Variants in KMT2E observed in about 807,000 individuals in gnomAD.
KMT2E encodes lysine methyltransferase 2E (inactive).
KMT2E carries 30 observed loss-of-function variants against 184.6 expected under a neutral mutation model. That is an observed-to-expected ratio of 0.16 (90% CI 0.12 to 0.22). The LOEUF (loss-of-function observed/expected upper bound fraction) is 0.22, where lower values mean the gene tolerates loss of function less well. Ranked by LOEUF, KMT2E falls within the 10% of genes least tolerant of loss-of-function variation. KMT2E has a pLI of 1.00. For synonymous variants in KMT2E, 815 were observed against 776.5 expected, an observed-to-expected ratio of 1.05 and a Z score of -0.82; for missense variants, 2,023 against 2,237.4, an observed-to-expected ratio of 0.90 and a Z score of 1.93.
chr7:105,106,378 T>C, intron 19 of KMT2E, 144 bp from the exon 20 acceptor site: 1 of 796,142 alleles, frequency 1.3e-6, no homozygotes, highest in Non-Finnish European at 2.0e-6. Flanking sequence ...GTTAGTACCA[T>C]TTTTTTAAAA....
chr7:105,109,745 C>T (rs1284512270), intron 23 of KMT2E, among the ~76,000 whole-genome samples: 1 of 152,076 alleles, frequency 6.6e-6, no homozygotes, highest in Non-Finnish European at 1.5e-5. Flanking sequence ...AACTCCTTGC[C>T]TTCTTTTCAC....
chr7:105,050,707 CTCTT>C (rs1339059444), intron 3 of KMT2E, among the ~76,000 whole-genome samples: 118 of 136,314 alleles, frequency 8.7e-4, no homozygotes, highest in Admixed American at 7.1e-3. Flanking sequence ...CTCTTTCTCT[CTCTT>C]TCTGTCTGTC....
At position 105,101,404 on chromosome 7, in the gene KMT2E, CTTAAAA is replaced by C. The variant is rs758507986; in HGVS notation, c.1723-18_1723-13del. 4.0e-6 allele frequency: 6 copies of C among 1,481,794 alleles called. No homozygotes were observed. The East Asian group carries it at 9.7e-5, about 24-fold the overall frequency. 91.8% of individuals were successfully genotyped at this position (1,481,794 alleles called of 1,614,324 possible). A position where few individuals can be genotyped will look rare whatever the true frequency, so the allele number is the denominator to read the frequency against. On this transcript the variant is annotated splice_polypyrimidine_tract_variant and intron_variant, in intron 15 of 26. Transcript: ENST00000311117. The stretch of plus-strand genomic sequence containing the variant: ...TTGAGCATTGATATTTATGATGTCA[CTTAAAA>C]TTTAAATTTCATAGACAAGAGAAGA...
chr7:105,017,145 T>C (rs1029509855), intron 1 of KMT2E, among the ~76,000 whole-genome samples: 2 of 152,200 alleles, frequency 1.3e-5, no homozygotes, highest in Admixed American at 1.3e-4. Flanking sequence ...AGCTTGGTAC[T>C]TTAAACTTAC....
At chr7:105,035,714 C>T (rs1443508205) in intron 1 of KMT2E, among the ~76,000 whole-genome samples, 2 of 151,958 alleles carry the variant, frequency 1.3e-5, no homozygotes, top group Admixed American at 6.6e-5. Flanking sequence ...CATGTGCCAC[C>T]GTGCCCGGCT....
At chr7:105,064,390 G>A (rs12671368) in intron 5 of KMT2E, among the ~76,000 whole-genome samples, 41,338 of 151,244 alleles carry the variant, frequency 0.27, 8,303 homozygotes, top group East Asian at 0.58. Context: ...TTGATGTGAT[G>A]CAGTATGGCA....
chr7:105,050,713 C>T (rs1417234660), intron 3 of KMT2E, among the ~76,000 whole-genome samples: 2 of 141,454 alleles, frequency 1.4e-5, no homozygotes, highest in South Asian at 2.2e-4. Flanking sequence ...CTCTCTCTTT[C>T]TGTCTGTCTG....
chr7:105,107,269 T>C, intron 21 of KMT2E, 47 bp downstream of exon 21: 1 of 1,501,354 alleles, frequency 6.7e-7, no homozygotes, highest in South Asian at 1.2e-5. Context: ...TTTTTCCTAT[T>C]ACATTGTTTT....
intron 12 of KMT2E, among the ~76,000 whole-genome samples, chr7:105,081,419 T>C (rs71562640): frequency 2.1e-5 from 3 of 140,818 alleles, no homozygotes; most frequent in African/African-American, 5.5e-5. Flanking sequence ...TGAAATATAG[T>C]ATTTTTATTA....
At chr7:105,103,692 A>G (rs998856726) in intron 17 of KMT2E, 2 of 152,146 alleles carry the variant, frequency 1.3e-5, no homozygotes, top group Admixed American at 1.3e-4. Flanking sequence ...AGATGCTAAA[A>G]TGTTTACAGT....
intron 15 of KMT2E, 152 bp downstream of exon 15, chr7:105,091,466 A>G (rs1798202723): frequency 1.5e-6 from 1 of 652,408 alleles, no homozygotes; most frequent in South Asian, 1.8e-5. Flanking sequence ...TTGCCATTTA[A>G]ATAAATTCCA....
intron 17 of KMT2E, chr7:105,105,212 C>A (rs1263254756): frequency 1.1e-5 from 4 of 378,920 alleles, no homozygotes; most frequent in Admixed American, 4.5e-5. Context: ...ATTTAAAAAG[C>A]AACCATATGT....
intron 19 of KMT2E, 26 bp downstream of exon 19, chr7:105,106,029 G>A: frequency 6.3e-7 from 1 of 1,595,084 alleles, no homozygotes; most frequent in Non-Finnish European, 8.5e-7. Flanking sequence ...CAGAGTTTTG[G>A]TTTGAGAAAT....
At chr7:105,048,278 C>G (rs1371955804) in intron 3 of KMT2E, among the ~76,000 whole-genome samples, 9 of 152,174 alleles carry the variant, frequency 5.9e-5, no homozygotes, top group Non-Finnish European at 1.3e-4. Context: ...CTCAAGTGAT[C>G]TGTCTGCCTT....
intron 1 of KMT2E, among the ~76,000 whole-genome samples, chr7:105,022,512 T>G (rs1195519238): frequency 1.2e-4 from 18 of 152,192 alleles, no homozygotes; most frequent in Admixed American, 1.1e-3. Flanking sequence ...TTATGTTCAT[T>G]TTGATAGCTT....
In KMT2E at chr7:105,105,597, C is replaced by T. The variant is rs763336231; in HGVS notation, c.2355C>T (p.Ser785=). 1.9e-6 allele frequency: 3 copies of T among 1,613,506 alleles called. No individual in the cohort carries two copies. The highest frequency in any genetic ancestry group is 2.5e-6 in the Non-Finnish European group (3 of 1,179,510). ...PGLTYSPHVY[S]TPKHYIRFTS... The stretch of plus-strand genomic sequence containing the variant: ...TCACTTACAGCCCCCATGTATACTC[C>T]ACTCCTAAGCATTATATTAGATTTA... Residue 785 remains serine (S), a synonymous_variant, in exon 18 of 27, where the codon TCC becomes TCT. Transcript: ENST00000311117.
intron 20 of KMT2E, 111 bp downstream of exon 20, chr7:105,106,883 GGTT>G: frequency 9.1e-7 from 1 of 1,103,296 alleles, no homozygotes; most frequent in Non-Finnish European, 1.3e-6. Flanking sequence ...ACAAAAAAAA[GGTT>G]GTAAGAAACT....
chr7:105,107,783 A>C lies in KMT2E; in HGVS notation c.3326A>C (p.Gln1109Pro). The C allele has an allele frequency of 6.2e-7, 1 of 1,614,184 alleles. No individual in the cohort carries two copies. The highest frequency in any genetic ancestry group is 8.5e-7 in the Non-Finnish European group (1 of 1,180,028). ...FRISESKCLM[Q>P]DDTRGMFMET... ...ATAAGTGAGTCAAAGTGCCTGATGC[A>C]GGATGATACTAGAGGCATGTTTATG... Residue 1109 changes from glutamine to proline, a missense_variant, in exon 22 of 27, where the codon CAG becomes CCG. By Grantham distance (76) the Gln-to-Pro change is moderately conservative (BLOSUM62 -1). This residue lies in a region of KMT2E where 1,108 missense variants were observed against 1,050.9 expected (regional missense o/e 1.05). Transcript: ENST00000311117.
chr7:105,019,662 C>T (rs1288501489), intron 1 of KMT2E, among the ~76,000 whole-genome samples: 4 of 152,110 alleles, frequency 2.6e-5, no homozygotes, highest in Admixed American at 1.3e-4. Flanking sequence ...GATCTGCATG[C>T]AGGTCAACGT....
Sources: allele counts gnomAD v4.1 joint callset (sites outside exome capture counted in the v4.1 genomes callset), GRCh38; gene constraint gnomAD v4.1.1; regional missense constraint gnomAD v4.1.1; transcripts MANE v1.5; gene names NCBI Gene and HGNC (gene_info 2026-07-23, HGNC 2026-07-21).